Variants in SCHIP1 observed in about 807,000 individuals in gnomAD.
SCHIP1 encodes the protein schwannomin interacting protein 1.
A neutral mutation model predicts 29.7 loss-of-function variants in SCHIP1; 8 were observed. The ratio of observed to expected loss-of-function variants is 0.27; its 90% CI spans 0.16 to 0.49. The LOEUF (loss-of-function observed/expected upper bound fraction) is 0.49. Ranked by LOEUF, SCHIP1 falls within the 20% of genes least tolerant of loss-of-function variation. The probability of loss-of-function intolerance (pLI) is 0.99; values close to 1 mark genes in which losing one functional copy is unlikely to be tolerated. For missense variants in SCHIP1, 193 were observed against 294.6 expected (o/e 0.66, Z 2.52); for synonymous variants, 76 against 94.9 (o/e 0.80, Z 1.16).
chr3:159,692,311 C>T, the SCHIP1 span, among the ~76,000 whole-genome samples: 4 of 152,176 alleles, frequency 2.6e-5, no homozygotes, highest in South Asian at 2.1e-4. Context: ...TAATATCCTG[C>T]AGAGTGTTTT....
At chr3:159,714,746 G>A in the SCHIP1 span, among the ~76,000 whole-genome samples, 5 of 152,350 alleles carry the variant, frequency 3.3e-5, no homozygotes, top group South Asian at 1.0e-3. Flanking sequence ...AAGCAGCTGG[G>A]AAGCTCGAAC....
intron 2 of SCHIP1, among the ~76,000 whole-genome samples, chr3:159,869,717 AATAAT>A (rs145538922): frequency 0.029 from 4,474 of 151,972 alleles, 86 homozygotes; most frequent in Middle Eastern, 0.11. Context: ...ATAAACTTTA[AATAAT>A]ATAATCAAGT....
chr3:159,619,620 T>C, the SCHIP1 span, among the ~76,000 whole-genome samples: 4 of 152,248 alleles, frequency 2.6e-5, no homozygotes, highest in Non-Finnish European at 4.4e-5. Flanking sequence ...AGGCTGCAGA[T>C]TGTTTCTATT....
At chr3:159,309,716 C>T in the SCHIP1 span, among the ~76,000 whole-genome samples, 1 of 152,082 alleles carries the variant, frequency 6.6e-6, no homozygotes, top group African/African-American at 2.4e-5. Flanking sequence ...TTATTTATCC[C>T]TTGACCTGCA....
chr3:159,819,139 C>T, the SCHIP1 span, among the ~76,000 whole-genome samples: 2 of 152,310 alleles, frequency 1.3e-5, no homozygotes, highest in African/African-American at 4.8e-5. Context: ...AATTCCTCAC[C>T]ACGTGGCCCT....
the SCHIP1 span, among the ~76,000 whole-genome samples, chr3:159,828,399 A>ATATATATACG: frequency 6.0e-5 from 3 of 49,656 alleles, no homozygotes; most frequent in Non-Finnish European, 1.0e-4. Flanking sequence ...ATATATACGT[A>ATATATATACG]TATATATACG....
the SCHIP1 span, among the ~76,000 whole-genome samples, chr3:159,452,152 T>C: frequency 6.6e-6 from 1 of 152,090 alleles, no homozygotes; most frequent in African/African-American, 2.4e-5. Flanking sequence ...TTTTTTTTTT[T>C]TTAAGTTCTG....
the SCHIP1 span, among the ~76,000 whole-genome samples, chr3:159,683,830 A>T: frequency 6.6e-6 from 1 of 152,360 alleles, no homozygotes; most frequent in African/African-American, 2.4e-5. Context: ...TCTGGTGTAT[A>T]GAACAATCTT....
At chr3:159,455,965 T>C in the SCHIP1 span, among the ~76,000 whole-genome samples, 1 of 152,214 alleles carries the variant, frequency 6.6e-6, no homozygotes, top group Admixed American at 6.5e-5. Flanking sequence ...GGAATGTCTG[T>C]ATGCCCAGGT....
At chr3:159,431,396 A>G in the SCHIP1 span, among the ~76,000 whole-genome samples, 151 of 152,214 alleles carry the variant, frequency 9.9e-4, no homozygotes, top group African/African-American at 3.5e-3. Context: ...AGGCAGAAAA[A>G]TGCAGGAGTA....
At chr3:159,432,331 TGTGTGTGTGAGAGAGA>T in the SCHIP1 span, among the ~76,000 whole-genome samples, 3,553 of 90,004 alleles carry the variant, frequency 0.039, 53 homozygotes, top group East Asian at 0.053. Context: ...TGTGTGTGTG[TGTGTGTGTGAGAGAGA>T]GAGAGAGAGA....
chr3:159,498,759 GA>G, the SCHIP1 span, among the ~76,000 whole-genome samples: 1 of 151,798 alleles, frequency 6.6e-6, no homozygotes, highest in Non-Finnish European at 1.5e-5. Context: ...AATTACTAAC[GA>G]AAAGAGAATA....
At chr3:159,432,809 A>G in the SCHIP1 span, among the ~76,000 whole-genome samples, 1 of 152,132 alleles carries the variant, frequency 6.6e-6, no homozygotes, top group African/African-American at 2.4e-5. Flanking sequence ...ATAGAATGGG[A>G]AAGGGAGGGA....
the SCHIP1 span, chr3:159,387,389 G>T: frequency 1.5e-4 from 54 of 368,218 alleles, 2 homozygotes; most frequent in South Asian, 1.2e-3. Flanking sequence ...TCATGTCCTT[G>T]ACCAGGAAGC....
the SCHIP1 span, among the ~76,000 whole-genome samples, chr3:159,296,562 T>G: frequency 6.6e-6 from 1 of 152,068 alleles, no homozygotes; most frequent in Admixed American, 6.6e-5. Context: ...TCACCTGAGG[T>G]CAGGAGTTCA....
chr3:159,680,687 GTA>G, the SCHIP1 span, among the ~76,000 whole-genome samples: 1,009 of 47,214 alleles, frequency 0.021, 55 homozygotes, highest in African/African-American at 0.094. Flanking sequence ...TATAATATAT[GTA>G]TATATATAAT....
the SCHIP1 span, among the ~76,000 whole-genome samples, chr3:159,392,138 C>T: frequency 2.6e-5 from 4 of 152,132 alleles, no homozygotes; most frequent in African/African-American, 9.7e-5. Flanking sequence ...CAAACATCCC[C>T]TTAGTTGCCT....
chr3:159,298,905 T>G, the SCHIP1 span, among the ~76,000 whole-genome samples: 7 of 152,210 alleles, frequency 4.6e-5, no homozygotes, highest in Middle Eastern at 3.2e-3. Flanking sequence ...TTTGGAGAGT[T>G]TTTTGTTTTT....
the SCHIP1 span, among the ~76,000 whole-genome samples, chr3:159,745,998 G>A: frequency 2.0e-5 from 3 of 152,290 alleles, no homozygotes; most frequent in South Asian, 6.2e-4. Context: ...CTTGGGCTGT[G>A]GGGGTAATTA....
Sources: allele counts gnomAD v4.1 joint callset (sites outside exome capture counted in the v4.1 genomes callset), GRCh38; gene constraint gnomAD v4.1.1; transcripts MANE v1.5; gene names NCBI Gene and HGNC (gene_info 2026-07-23, HGNC 2026-07-21).